The following KCTD8 variants were observed in gnomAD, a reference collection of about 807,000 sequenced individuals.
The protein encoded by KCTD8 is BTB/POZ domain-containing protein KCTD8.
Under a neutral mutation model 31.5 loss-of-function variants are expected in KCTD8, and 27 were observed. The observed-to-expected ratio is 0.86, with a 90% CI of 0.63 to 1.18. KCTD8 has a LOEUF of 1.18. Among genes scored for constraint, KCTD8 ranks in the 50% most tolerant of loss-of-function variants. KCTD8 has a pLI of 0.00. For missense variants in KCTD8, 658 were observed against 647.7 expected, an observed-to-expected ratio of 1.02 and a Z score of -0.17; for synonymous variants, 290 against 280.0, an observed-to-expected ratio of 1.04 and a Z score of -0.36.
rs866483660 is a variant in KCTD8, at chr4:44,279,318, T to C, written c.962-104068A>G. Among the ~76,000 whole-genome samples, 8 of 152,138 alleles carry C rather than the reference T, an allele frequency of 5.3e-5. No individual in the cohort carries two copies. In the East Asian group the frequency reaches 9.7e-4, roughly 18 times the overall value. On this transcript the variant is annotated intron_variant, in intron 1 of 1. Coordinates refer to ENST00000360029, the MANE Select transcript of KCTD8 (RefSeq NM_198353.3). ...GGTGTTGCATATCCTGTATTCTGTA[T>C]TGGAAGCTGGGGGAGACCTGCTTCC...
At chr4:44,322,417 G>T (rs1718319557) in intron 1 of KCTD8, among the ~76,000 whole-genome samples, 1 of 151,840 alleles carries the variant, frequency 6.6e-6, no homozygotes, top group South Asian at 2.1e-4. Flanking sequence ...GTCTATTCAG[G>T]TCTTGCCCAT....
chr4:44,329,786 T>C (rs1204305161), intron 1 of KCTD8, among the ~76,000 whole-genome samples: 1 of 151,974 alleles, frequency 6.6e-6, no homozygotes, highest in East Asian at 1.9e-4. Flanking sequence ...ACTCTATCAG[T>C]ATAATATTCT....
At chr4:44,203,670 A>C (rs541824962) in intron 1 of KCTD8, among the ~76,000 whole-genome samples, 1 of 151,852 alleles carries the variant, frequency 6.6e-6, no homozygotes, top group East Asian at 1.9e-4. Context: ...AATAAATAAG[A>C]TGAAAAGCTT....
intron 1 of KCTD8, among the ~76,000 whole-genome samples, chr4:44,302,202 C>G (rs1472916497): frequency 6.6e-6 from 1 of 152,086 alleles, no homozygotes; most frequent in Non-Finnish European, 1.5e-5. Context: ...GGATTGCGGG[C>G]TCTTTTTTGA....
At chr4:44,201,560 T>C (rs989074473) in intron 1 of KCTD8, among the ~76,000 whole-genome samples, 1 of 151,990 alleles carries the variant, frequency 6.6e-6, no homozygotes, top group African/African-American at 2.4e-5. Context: ...GAGAAAGGAC[T>C]CCCCATTCAA....
chr4:44,407,979 T>C, intron 1 of KCTD8, among the ~76,000 whole-genome samples: 1 of 152,198 alleles, frequency 6.6e-6, no homozygotes, highest in Non-Finnish European at 1.5e-5. Context: ...CATTTTCATC[T>C]TCCAGAGCTT....
intron 1 of KCTD8, among the ~76,000 whole-genome samples, chr4:44,386,311 G>A (rs1720209329): frequency 6.6e-6 from 1 of 151,166 alleles, no homozygotes; most frequent in Non-Finnish European, 1.5e-5. Context: ...TCCATCCACA[G>A]ACAAATGAAT....
intron 1 of KCTD8, among the ~76,000 whole-genome samples, chr4:44,427,544 T>C (rs895198193): frequency 1.3e-5 from 2 of 151,556 alleles, no homozygotes; most frequent in African/African-American, 4.8e-5. Context: ...ATAAAACTCA[T>C]GAAGATCTCT....
intron 1 of KCTD8, among the ~76,000 whole-genome samples, chr4:44,236,996 C>A (rs11939092): frequency 0.12 from 18,296 of 152,190 alleles, 1,333 homozygotes; most frequent in East Asian, 0.24. Context: ...GTGAGGCCTC[C>A]CAAGCCACAT....
rs188268951 is a variant in KCTD8 at position 44,287,569 on chromosome 4, T to A, written c.962-112319A>T. ...TCAATTTTTAAACCTATCTAATAATTGAAACACTCTTCCTTACATTAGGCC... is the reference window on the plus strand; with the variant it reads ...TCAATTTTTAAACCTATCTAATAATAGAAACACTCTTCCTTACATTAGGCC... On this transcript the variant is annotated intron_variant, in intron 1 of 1. Coordinates refer to ENST00000360029, the MANE Select transcript of KCTD8 (RefSeq NM_198353.3). 3.2e-4 allele frequency among the ~76,000 whole-genome samples: 48 copies of A among 152,298 alleles called. 1 individual carries two copies. The highest frequency in any genetic ancestry group is 2.1e-3 in the Admixed American group (32 of 15,292).
intron 1 of KCTD8, among the ~76,000 whole-genome samples, chr4:44,286,121 T>C (rs1717062429): frequency 6.6e-6 from 1 of 152,154 alleles, no homozygotes; most frequent in Non-Finnish European, 1.5e-5. Context: ...GTGTTTTCTC[T>C]CAGTTCTTGG....
intron 1 of KCTD8, among the ~76,000 whole-genome samples, chr4:44,431,560 TA>T (rs1044645510): frequency 4.0e-5 from 6 of 151,426 alleles, no homozygotes; most frequent in African/African-American, 1.5e-4. Context: ...CTGAGCTTCA[TA>T]AAAAAATTTA....
chr4:44,408,447 C>G (rs1472842734), intron 1 of KCTD8, among the ~76,000 whole-genome samples: 1 of 152,126 alleles, frequency 6.6e-6, no homozygotes, highest in Non-Finnish European at 1.5e-5. Context: ...CTACATTTAA[C>G]TTGAATGCTA....
rs147289827 is a variant in KCTD8, at chr4:44,439,898, A to ATTTT, written c.961+7661_961+7664dup. ...ACAACTTCTAGTCCACCAATCATTT[A>ATTTT]TTTTTATTTATTTATTTATTTATTT... On this transcript the variant is annotated intron_variant, in intron 1 of 1. Transcript: ENST00000360029. Among the ~76,000 whole-genome samples the ATTTT allele has an allele frequency of 8.2e-5, 8 of 97,604 alleles. No homozygotes were observed. The East Asian group carries it at 1.3e-3, about 16-fold the overall frequency. The allele number at this position is 97,604 out of a possible 152,430, so 64.0% of individuals were successfully genotyped here. A position where few individuals can be genotyped will look rare whatever the true frequency, so the allele number is the denominator to read the frequency against.
At chr4:44,357,089 C>CAAAAAAAAAAA (rs11368270) in intron 1 of KCTD8, among the ~76,000 whole-genome samples, 1 of 143,462 alleles carries the variant, frequency 7.0e-6, no homozygotes, top group Non-Finnish European at 1.5e-5. Context: ...GCATTTGAGG[C>CAAAAAAAAAAA]AAAAAAAAAA....
chr4:44,303,112 T>G (rs988178846), intron 1 of KCTD8, among the ~76,000 whole-genome samples: 5 of 152,152 alleles, frequency 3.3e-5, no homozygotes, highest in Admixed American at 6.5e-5. Context: ...GCTGCTGGAT[T>G]CCGTTTGCCA....
At chr4:44,441,952 T>C (rs1721820659) in intron 1 of KCTD8, among the ~76,000 whole-genome samples, 1 of 152,186 alleles carries the variant, frequency 6.6e-6, no homozygotes, top group African/African-American at 2.4e-5. Context: ...AAGATGTCAA[T>C]AAAAATGTTA....
chr4:44,410,227 GC>G (rs1166859100), intron 1 of KCTD8, among the ~76,000 whole-genome samples: 1 of 152,046 alleles, frequency 6.6e-6, no homozygotes, highest in Non-Finnish European at 1.5e-5. Flanking sequence ...TACAGAAATT[GC>G]CTTCAAAATA....
intron 1 of KCTD8, among the ~76,000 whole-genome samples, chr4:44,251,964 C>T (rs1455995232): frequency 6.6e-6 from 1 of 151,476 alleles, no homozygotes; most frequent in African/African-American, 2.4e-5. Flanking sequence ...TACCCGTCAC[C>T]CAAGCAGTGT....
Sources: gnomAD v4.1 joint callset for allele counts (sites outside exome capture counted in the v4.1 genomes callset) on GRCh38, gnomAD v4.1.1 for gene constraint, MANE v1.5 for transcripts, NCBI Gene and HGNC (gene_info 2026-07-23, HGNC 2026-07-21) for gene names.